Variants in MSI2 observed in about 807,000 individuals in gnomAD.
The protein encoded by MSI2 is musashi RNA binding protein 2, also known as RNA-binding protein Musashi homolog 2.
In MSI2, 17 loss-of-function variants were observed where a neutral mutation model predicts 45.6. That is an observed-to-expected ratio of 0.37 (90% CI 0.26 to 0.56). The LOEUF is 0.56. Ranked by LOEUF, MSI2 falls within the 20% of genes least tolerant of loss-of-function variation. The probability of loss-of-function intolerance (pLI) is 0.77; values close to 1 mark genes in which losing one functional copy is unlikely to be tolerated. For missense variants in MSI2, 293 were observed against 444.2 expected, an observed-to-expected ratio of 0.66 and a Z score of 3.06; for synonymous variants, 156 against 158.2, an observed-to-expected ratio of 0.99 and a Z score of 0.11.
chr17:57,289,810 A>AC (rs1910252698), intron 5 of MSI2, among the ~76,000 whole-genome samples: 1 of 152,224 alleles, frequency 6.6e-6, no homozygotes, highest in South Asian at 2.1e-4. Flanking sequence ...AGCCCGGTGC[A>AC]CCCTGCTCTT....
chr17:57,700,487 G>A, the MSI2 span, among the ~76,000 whole-genome samples: 2 of 152,244 alleles, frequency 1.3e-5, no homozygotes, highest in African/African-American at 2.4e-5. Flanking sequence ...AACAGCATAA[G>A]TGGATGCTTC....
intron 6 of MSI2, among the ~76,000 whole-genome samples, chr17:57,470,853 C>A (rs1436568089): frequency 6.6e-6 from 1 of 152,230 alleles, no homozygotes; most frequent in African/African-American, 2.4e-5. Context: ...CGCTTAAACT[C>A]TCTGTGCCTC....
chr17:57,678,168 C>G (rs1254111323), intron 13 of MSI2, among the ~76,000 whole-genome samples: 1 of 152,176 alleles, frequency 6.6e-6, no homozygotes, highest in African/African-American at 2.4e-5. Context: ...TGAGTCGGAC[C>G]AGGTGGAGAA....
At chr17:57,514,165 G>A (rs775571948) in intron 6 of MSI2, among the ~76,000 whole-genome samples, 41 of 152,110 alleles carry the variant, frequency 2.7e-4, no homozygotes, top group Non-Finnish European at 5.1e-4. Flanking sequence ...TATTTCAAGG[G>A]GGTCTTGAGA....
chr17:57,518,528 G>A (rs895814617), intron 6 of MSI2, among the ~76,000 whole-genome samples: 39 of 152,192 alleles, frequency 2.6e-4, no homozygotes, highest in African/African-American at 6.3e-4. Flanking sequence ...TCCCTGGTTC[G>A]GTCAGAGTCG....
At chr17:57,593,225 C>A (rs145270135) in intron 7 of MSI2, among the ~76,000 whole-genome samples, 27 of 152,286 alleles carry the variant, frequency 1.8e-4, no homozygotes, top group African/African-American at 5.1e-4. Context: ...GTGCAGCCCC[C>A]CTGTGTGGGA....
At position 57,635,817 on chromosome 17, in the gene MSI2, A is replaced by C. The variant is rs532477005; in HGVS notation, c.727+8514A>C. Among the ~76,000 whole-genome samples, 12 of 152,320 alleles carry C rather than the reference A, an allele frequency of 7.9e-5. No homozygotes were observed. The South Asian group carries it at 2.5e-3, about 32-fold the overall frequency. On this transcript the variant is annotated intron_variant, in intron 10 of 13. Transcript: ENST00000284073. ...TGGATTCCTGGAGCACTGGCTTCAG[A>C]ATGATGTTGAGGCCAAGTCCTAGCT... is the stretch of plus-strand genomic sequence containing the variant.
intron 5 of MSI2, among the ~76,000 whole-genome samples, chr17:57,394,538 G>A (rs1254915955): frequency 6.6e-6 from 1 of 152,252 alleles, no homozygotes; most frequent in Non-Finnish European, 1.5e-5. Context: ...CAACAGCTCA[G>A]ATTTTATTAG....
intron 6 of MSI2, among the ~76,000 whole-genome samples, chr17:57,476,908 C>T (rs531052371): frequency 2.0e-5 from 3 of 152,126 alleles, no homozygotes; most frequent in Non-Finnish European, 4.4e-5. Flanking sequence ...CCATCTAGAC[C>T]TGTCTGTTCT....
At chr17:57,566,529 G>A (rs565536785) in intron 7 of MSI2, among the ~76,000 whole-genome samples, 11 of 152,230 alleles carry the variant, frequency 7.2e-5, no homozygotes, top group South Asian at 6.2e-4. Context: ...TATTTCCTGC[G>A]TTTACCTGTG....
intron 10 of MSI2, among the ~76,000 whole-genome samples, chr17:57,648,121 C>T (rs1349861896): frequency 1.4e-5 from 2 of 145,594 alleles, no homozygotes; most frequent in African/African-American, 5.1e-5. Context: ...CACCACCATG[C>T]CTGGCTAATT....
Position 57,415,374 on chromosome 17 carries a change from A to G in MSI2, c.405+13903A>G, listed in dbSNP as rs147857025. 4.4e-3 allele frequency among the ~76,000 whole-genome samples: 671 copies of G among 152,148 alleles called. 3 individuals are homozygous for G. Among genetic ancestry groups the G allele is most frequent in the African/African-American group, 0.016 (651 of 41,506 alleles). On this transcript the variant is annotated intron_variant, in intron 6 of 13. Transcript: ENST00000284073. ...ATTTACTGCCAGACTGTCGGGAATT[A>G]TGTGGGGTTGTGGGGGGATTATGTG...
chr17:57,572,550 C>T (rs1162376013), intron 7 of MSI2, among the ~76,000 whole-genome samples: 2 of 152,222 alleles, frequency 1.3e-5, no homozygotes, highest in African/African-American at 4.8e-5. Flanking sequence ...TTGTCTTTGT[C>T]CATTTTGTCA....
At chr17:57,306,228 C>T (rs1911875732) in intron 5 of MSI2, among the ~76,000 whole-genome samples, 1 of 152,022 alleles carries the variant, frequency 6.6e-6, no homozygotes, top group Non-Finnish European at 1.5e-5. Flanking sequence ...GTGTTTCCTT[C>T]TCCTTGTGCC....
chr17:57,374,591 A>G (rs996596143), intron 5 of MSI2, among the ~76,000 whole-genome samples: 1 of 152,050 alleles, frequency 6.6e-6, no homozygotes, highest in East Asian at 1.9e-4. Context: ...AGCCTGGCCA[A>G]CATAGTGAAA....
At chr17:57,271,097 A>G (rs1254978854) in intron 5 of MSI2, among the ~76,000 whole-genome samples, 6 of 152,138 alleles carry the variant, frequency 3.9e-5, no homozygotes, top group Admixed American at 3.9e-4. Context: ...AGGTCTCCCC[A>G]TGAGTCTTCT....
chr17:57,542,037 C>T (rs1022852947), intron 7 of MSI2, among the ~76,000 whole-genome samples: 1 of 152,132 alleles, frequency 6.6e-6, no homozygotes, highest in Non-Finnish European at 1.5e-5. Flanking sequence ...ATTCATGACT[C>T]TGCTTTCCAC....
intron 5 of MSI2, among the ~76,000 whole-genome samples, chr17:57,287,676 C>A (rs1040863967): frequency 6.6e-6 from 1 of 152,192 alleles, no homozygotes; most frequent in Non-Finnish European, 1.5e-5. Flanking sequence ...AAGCCCTTTC[C>A]CTGCCTGGTT....
chr17:57,352,493 G>A (rs745910970), intron 5 of MSI2, among the ~76,000 whole-genome samples: 3 of 152,212 alleles, frequency 2.0e-5, no homozygotes, highest in Admixed American at 6.5e-5. Context: ...CCAGGTGAAG[G>A]AGGGTGGAAC....
Sources: allele counts gnomAD v4.1 joint callset (sites outside exome capture counted in the v4.1 genomes callset), GRCh38; gene constraint gnomAD v4.1.1; transcripts MANE v1.5; gene names NCBI Gene and HGNC (gene_info 2026-07-23, HGNC 2026-07-21).